The following SIPA1L1 variants were observed in gnomAD, a reference collection of about 807,000 sequenced individuals.
The protein encoded by SIPA1L1 is signal induced proliferation associated 1 like 1.
SIPA1L1 carries 26 observed loss-of-function variants against 162.7 expected under a neutral mutation model. The observed-to-expected ratio is 0.16, with a 90% CI of 0.12 to 0.22. The LOEUF (loss-of-function observed/expected upper bound fraction) is 0.22, where lower values mean the gene tolerates loss of function less well. SIPA1L1 is among the 10% of genes least tolerant of loss of function. SIPA1L1 has a pLI of 1.00. For synonymous variants in SIPA1L1, 829 were observed against 837.4 expected (o/e 0.99, Z 0.17); for missense variants, 1,874 against 2,241.0 (o/e 0.84, Z 3.31).
intron 13 of SIPA1L1, among the ~76,000 whole-genome samples, chr14:71,693,798 G>A (rs1190252617): frequency 6.6e-6 from 1 of 150,996 alleles, no homozygotes; most frequent in Non-Finnish European, 1.5e-5. Context: ...CTTTAACTTG[G>A]TCCTGTTCCC....
intron 2 of SIPA1L1, among the ~76,000 whole-genome samples, chr14:71,442,107 G>A (rs539503948): frequency 1.9e-3 from 279 of 149,782 alleles, no homozygotes; most frequent in Non-Finnish European, 2.5e-3. Flanking sequence ...TGGGAGGCTG[G>A]GGTTGCAGTG....
rs142384125 is a variant in SIPA1L1 at position 71,435,136 on chromosome 14, C to T, written c.-464-77607C>T. ...AACTGCCCTGCTTAAACATTGTATA[C>T]ATTTACACTCCTCTCAGCAATGTAT... On this transcript the variant is annotated intron_variant, in intron 2 of 23. Coordinates refer to ENST00000381232, the MANE Select transcript of SIPA1L1 (RefSeq NM_001386936.1). Among the ~76,000 whole-genome samples the T allele has an allele frequency of 7.8e-3, 1,186 of 152,136 alleles. 9 individuals carry two copies. The highest frequency in any genetic ancestry group is 0.012 in the Non-Finnish European group (827 of 68,002).
intron 8 of SIPA1L1, 53 bp from the exon 9 acceptor site, chr14:71,658,279 TA>T (rs1437939336): frequency 4.6e-6 from 4 of 877,770 alleles, no homozygotes; most frequent in Non-Finnish European, 7.4e-6. Flanking sequence ...TTCTCTTAAA[TA>T]AATTATTTTT....
At chr14:71,401,511 T>C (rs1274910970) in intron 2 of SIPA1L1, among the ~76,000 whole-genome samples, 1 of 152,094 alleles carries the variant, frequency 6.6e-6, no homozygotes, top group Non-Finnish European at 1.5e-5. Flanking sequence ...TTATCATGTT[T>C]TACAATCAGA....
rs941943006 is a variant in SIPA1L1, at chr14:71,330,654, G to A, written c.-465+9473G>A. On this transcript the variant is annotated intron_variant, in intron 2 of 23. Coordinates refer to ENST00000381232, the MANE Select transcript of SIPA1L1 (RefSeq NM_001386936.1). ...GAAACTGGGTCAACTCATTGTTGTA[G>A]TCTGGGTGGGGTACCCTCTCATGAG... is the stretch of plus-strand genomic sequence containing the variant. 3 of 884,214 alleles carry A rather than the reference G, an allele frequency of 3.4e-6. No individual in the cohort carries two copies. In the African/African-American group the frequency reaches 4.9e-5, roughly 14 times the overall value. 54.8% of individuals were successfully genotyped at this position (884,214 alleles called of 1,614,324 possible).
intron 5 of SIPA1L1, among the ~76,000 whole-genome samples, chr14:71,610,398 C>T (rs894290849): frequency 6.6e-6 from 1 of 152,126 alleles, no homozygotes; most frequent in Non-Finnish European, 1.5e-5. Context: ...CTTAAGAAAG[C>T]TTAGACCAGA....
intron 4 of SIPA1L1, chr14:71,573,780 A>T (rs766133259): frequency 2.2e-6 from 1 of 452,852 alleles, no homozygotes; most frequent in South Asian, 1.6e-5. Context: ...TAACTTTGTC[A>T]CTGTTAACAG....
intron 2 of SIPA1L1, among the ~76,000 whole-genome samples, chr14:71,466,396 C>G (rs1368032354): frequency 6.6e-6 from 1 of 152,154 alleles, no homozygotes; most frequent in Non-Finnish European, 1.5e-5. Context: ...GTTGCCCACA[C>G]TGCAAATTGT....
chr14:71,358,974 G>A (rs28729075), intron 2 of SIPA1L1, among the ~76,000 whole-genome samples: 2,052 of 152,240 alleles, frequency 0.013, 41 homozygotes, highest in African/African-American at 0.047. Context: ...CTCTAACACT[G>A]GGAATTAAAA....
intron 2 of SIPA1L1, among the ~76,000 whole-genome samples, chr14:71,327,080 CTTTTTTT>C (rs532549428): frequency 7.8e-6 from 1 of 127,718 alleles, no homozygotes; most frequent in Non-Finnish European, 1.7e-5. Context: ...TGATTGAAAT[CTTTTTTT>C]TTTTTTTTTT....
intron 2 of SIPA1L1, among the ~76,000 whole-genome samples, chr14:71,358,381 T>C (rs910060345): frequency 3.9e-5 from 6 of 152,238 alleles, no homozygotes; most frequent in East Asian, 3.8e-4. Context: ...TCCTCTGGGT[T>C]GTTTATAAAT....
chr14:71,469,385 T>C (rs759928969), intron 2 of SIPA1L1, among the ~76,000 whole-genome samples: 7 of 152,218 alleles, frequency 4.6e-5, no homozygotes, highest in Non-Finnish European at 7.3e-5. Flanking sequence ...TGCATTATTA[T>C]TTTTGTTTTA....
At chr14:71,345,266 A>G (rs1021069242) in intron 2 of SIPA1L1, among the ~76,000 whole-genome samples, 1 of 152,128 alleles carries the variant, frequency 6.6e-6, no homozygotes, top group African/African-American at 2.4e-5. Flanking sequence ...TGTGGAAGAT[A>G]TTTGGTTCTC....
intron 2 of SIPA1L1, among the ~76,000 whole-genome samples, chr14:71,329,760 T>A (rs1356345401): frequency 2.0e-5 from 3 of 152,274 alleles, no homozygotes; most frequent in Non-Finnish European, 4.4e-5. Flanking sequence ...CATATATGTC[T>A]GTTCAAGCCT....
chr14:71,633,245 C>T lies in SIPA1L1; in HGVS notation c.1818+9009C>T, dbSNP rs556154257. 9.2e-5 allele frequency among the ~76,000 whole-genome samples: 14 copies of T among 152,274 alleles called. No individual in the cohort carries two copies. The East Asian group carries it at 2.7e-3, about 29-fold the overall frequency. On this transcript the variant is annotated intron_variant, in intron 7 of 23. Transcript: ENST00000381232. Reference sequence around the variant, plus strand: ...GCTTGATTTCGGCTCACTGCAACCTCCACCCTCCGGGTTCAAGCGATTCTC... The same window carrying T: ...GCTTGATTTCGGCTCACTGCAACCTTCACCCTCCGGGTTCAAGCGATTCTC...
intron 2 of SIPA1L1, chr14:71,379,491 A>G (rs1436008822): frequency 1.3e-5 from 2 of 148,422 alleles, no homozygotes; most frequent in African/African-American, 5.0e-5. Context: ...TTTTTTTTTT[A>G]AAGAAATGTG....
chr14:71,735,236 G>C, intron 21 of SIPA1L1, 41 bp from the exon 22 acceptor site: 1 of 1,369,230 alleles, frequency 7.3e-7, no homozygotes, highest in South Asian at 1.2e-5. Context: ...GGCCAGGGAT[G>C]TGGTTCCAAA....
At chr14:71,570,808 A>C (rs1301129474) in intron 4 of SIPA1L1, among the ~76,000 whole-genome samples, 1 of 152,174 alleles carries the variant, frequency 6.6e-6, no homozygotes, top group Non-Finnish European at 1.5e-5. Context: ...TTTTTTTGAG[A>C]TGGAGTCTCG....
intron 4 of SIPA1L1, among the ~76,000 whole-genome samples, chr14:71,562,442 A>G (rs756293904): frequency 6.6e-5 from 10 of 152,134 alleles, no homozygotes; most frequent in Non-Finnish European, 1.3e-4. Context: ...TGTTTTAGTT[A>G]TATGGATTAT....
Sources: gnomAD v4.1 joint callset for allele counts (sites outside exome capture counted in the v4.1 genomes callset) on GRCh38, gnomAD v4.1.1 for gene constraint, MANE v1.5 for transcripts, NCBI Gene and HGNC (gene_info 2026-07-23, HGNC 2026-07-21) for gene names.